DDX6: variants seen among roughly 807,000 people sequenced by gnomAD.
The protein encoded by DDX6 is probable ATP-dependent RNA helicase DDX6.
DDX6 carries 7 observed loss-of-function variants against 60.6 expected under a neutral mutation model. That is an observed-to-expected ratio of 0.12 (90% CI 0.07 to 0.22). The LOEUF (loss-of-function observed/expected upper bound fraction) is 0.22, where lower values mean the gene tolerates loss of function less well. DDX6 is among the 10% of genes least tolerant of loss of function. The pLI, the probability that DDX6 is intolerant of heterozygous loss-of-function variation, is 1.00. For synonymous variants in DDX6, 207 were observed against 201.0 expected (o/e 1.03, Z -0.25); for missense variants, 270 against 589.9 (o/e 0.46, Z 5.62).
At chr11:118,768,085 AAAAAG>A in intron 5 of DDX6, 133 bp downstream of exon 5, 3 of 881,820 alleles carry the variant, frequency 3.4e-6, no homozygotes, top group Middle Eastern at 3.3e-4. Context: ...ATCAGGCTAA[AAAAAG>A]AAAAAACCTG....
At chr11:118,773,379 C>T (rs982907219) in intron 4 of DDX6, among the ~76,000 whole-genome samples, 1 of 151,646 alleles carries the variant, frequency 6.6e-6, no homozygotes, top group Non-Finnish European at 1.5e-5. Context: ...ACCATCCTGG[C>T]TAACATGGTG....
At chr11:118,791,202 C>G (rs1368860185), upstream of DDX6, 1 of 152,290 alleles carries the variant, frequency 6.6e-6, no homozygotes, top group Non-Finnish European at 1.5e-5. Context: ...CGCCCGCCGC[C>G]TCCTCCCTCT....
At chr11:118,768,499 T>G in intron 4 of DDX6, 147 bp from the exon 5 acceptor site, 2 of 753,934 alleles carry the variant, frequency 2.7e-6, no homozygotes, top group Non-Finnish European at 4.2e-6. Context: ...ATAGCAGAGA[T>G]CCAAGTAAAT....
At chr11:118,762,786 G>A (rs1861218895) in intron 7 of DDX6, among the ~76,000 whole-genome samples, 1 of 152,102 alleles carries the variant, frequency 6.6e-6, no homozygotes, top group Non-Finnish European at 1.5e-5. Flanking sequence ...ATTTTAATAA[G>A]TTTTTAAAAG....
At position 118,749,833 on chromosome 11, in the gene DDX6, A is replaced by T. The variant is rs1860693172; in HGVS notation, c.*2272T>A. ...CTCCCTGGAAAAAAGTTACTTCCTT[A>T]ATTAGGTTTTCTATTTAGTAACCAA... is the stretch of plus-strand genomic sequence containing the variant. On this transcript the variant is annotated 3_prime_UTR_variant, in exon 14 of 14. Transcript: ENST00000534980. 1 of 152,482 alleles carries T rather than the reference A, an allele frequency of 6.6e-6. No homozygotes were observed. Among genetic ancestry groups the T allele is most frequent in the African/African-American group, 2.4e-5 (1 of 41,390 alleles). The allele number at this position is 152,482 out of a possible 1,614,324, so 9.4% of individuals were successfully genotyped here.
chr11:118,778,719 A>G (rs1861785222), intron 4 of DDX6, among the ~76,000 whole-genome samples: 1 of 152,162 alleles, frequency 6.6e-6, no homozygotes, highest in African/African-American at 2.4e-5. Context: ...AGGGTAATCA[A>G]AATTAACATC....
At chr11:118,755,925 G>A (rs1860951957) in intron 11 of DDX6, among the ~76,000 whole-genome samples, 2 of 151,634 alleles carry the variant, frequency 1.3e-5, no homozygotes, top group African/African-American at 4.9e-5. Flanking sequence ...GGCTGAGGCA[G>A]GAGAATCACT....
intron 5 of DDX6, among the ~76,000 whole-genome samples, chr11:118,766,496 A>C (rs1423987709): frequency 1.3e-5 from 2 of 152,172 alleles, no homozygotes; most frequent in Admixed American, 6.5e-5. Context: ...ACATTATGAA[A>C]ACTCAAATGT....
At chr11:118,763,191 T>C (rs782748705) in intron 7 of DDX6, 21 bp downstream of exon 7, 1 of 1,544,358 alleles carries the variant, frequency 6.5e-7, no homozygotes, top group Middle Eastern at 1.7e-4. Flanking sequence ...AACAGTATAA[T>C]GCCAAATGAA....
Position 118,774,330 on chromosome 11 carries a change from C to G in DDX6, c.369+5302G>C, listed in dbSNP as rs1861629530. Among the ~76,000 whole-genome samples, 4 of 152,132 alleles carry G rather than the reference C, an allele frequency of 2.6e-5. No individual in the cohort carries two copies. The South Asian group carries it at 8.3e-4, about 31-fold the overall frequency. ...GCAATTATTCTACTGGCCACAGCATCCAGACCTAGAACTGGTCACAGATGG... is the reference window on the plus strand; with the variant it reads ...GCAATTATTCTACTGGCCACAGCATGCAGACCTAGAACTGGTCACAGATGG... On this transcript the variant is annotated intron_variant, in intron 4 of 13. Transcript: ENST00000534980.
chr11:118,763,776 G>C (rs1379243076), intron 6 of DDX6, among the ~76,000 whole-genome samples: 1 of 148,602 alleles, frequency 6.7e-6, no homozygotes, highest in Admixed American at 6.8e-5. Context: ...AGACGTTGCA[G>C]TGAGCCGAGA....
chr11:118,780,323 T>C (rs1555164439), intron 3 of DDX6, among the ~76,000 whole-genome samples: 1 of 152,052 alleles, frequency 6.6e-6, no homozygotes. Flanking sequence ...CATAGCCTTC[T>C]TTTTTTCTTC....
In DDX6 at chr11:118,760,104, A is replaced by T; in HGVS notation, c.742-60T>A. On this transcript the variant is annotated intron_variant, in intron 7 of 13. Coordinates refer to ENST00000534980, the MANE Select transcript of DDX6 (RefSeq NM_004397.6). The stretch of plus-strand genomic sequence containing the variant: ...TAAAATAATGTCTAAGGTCTTGGTT[A>T]ATACATGGTCAAAGAATAAGGCATC... 3 of 1,484,904 alleles carry T rather than the reference A, an allele frequency of 2.0e-6. No individual in the cohort carries two copies. The South Asian group carries it at 3.8e-5, about 19-fold the overall frequency. The allele number at this position is 1,484,904 out of a possible 1,614,324, so 92.0% of individuals were successfully genotyped here.
At chr11:118,756,111 C>G (rs1860967991) in intron 11 of DDX6, 149 bp downstream of exon 11, 1 of 562,864 alleles carries the variant, frequency 1.8e-6, no homozygotes, top group Non-Finnish European at 3.1e-6. Flanking sequence ...CAGGAGCTGA[C>G]AAGAGTTCAT....
At chr11:118,754,555 C>T (rs1265966870) in intron 13 of DDX6, 150 bp downstream of exon 13, 3 of 644,676 alleles carry the variant, frequency 4.7e-6, no homozygotes, top group Admixed American at 6.9e-5. Flanking sequence ...CAACCTCCCA[C>T]AAGAGATATT....
chr11:118,770,957 C>CT (rs1565571118), intron 4 of DDX6, among the ~76,000 whole-genome samples: 1 of 151,968 alleles, frequency 6.6e-6, no homozygotes, highest in Non-Finnish European at 1.5e-5. Flanking sequence ...ATTAAAGACT[C>CT]TGCTTATTAA....
At chr11:118,777,829 C>T (rs1208796955) in intron 4 of DDX6, among the ~76,000 whole-genome samples, 2 of 141,370 alleles carry the variant, frequency 1.4e-5, no homozygotes, top group Admixed American at 7.6e-5. Flanking sequence ...GGGAAGGCTG[C>T]GGTGAGCCAA....
At chr11:118,779,909 A>G (rs1861832310) in intron 3 of DDX6, among the ~76,000 whole-genome samples, 173 bp from the exon 4 acceptor site, 2 of 152,118 alleles carry the variant, frequency 1.3e-5, no homozygotes, top group Non-Finnish European at 2.9e-5. Flanking sequence ...TGAGGTCAGA[A>G]GTTCAAGACC....
At chr11:118,776,847 A>G (rs1861717671) in intron 4 of DDX6, among the ~76,000 whole-genome samples, 1 of 151,404 alleles carries the variant, frequency 6.6e-6, no homozygotes, top group African/African-American at 2.4e-5. Flanking sequence ...AAAAAAAAAG[A>G]AAGAAAAAAA....
Sources: gnomAD v4.1 joint callset for allele counts (sites outside exome capture counted in the v4.1 genomes callset) on GRCh38, gnomAD v4.1.1 for gene constraint, MANE v1.5 for transcripts, NCBI Gene and HGNC (gene_info 2026-07-23, HGNC 2026-07-21) for gene names.